PTCHD1: variants seen among roughly 807,000 people sequenced by gnomAD.
PTCHD1 encodes the protein patched domain-containing protein 1.
Under a neutral mutation model 34.6 loss-of-function variants are expected in PTCHD1, and 3 were observed. The observed-to-expected ratio is 0.09, with a 90% CI of 0.04 to 0.22. PTCHD1 has a LOEUF of 0.22. Among genes scored for constraint, PTCHD1 ranks in the 10% least tolerant of loss-of-function variants. PTCHD1 has a pLI of 1.00. For synonymous variants in PTCHD1, 305 were observed against 283.1 expected, an observed-to-expected ratio of 1.08 and a Z score of -0.77; for missense variants, 504 against 685.5, an observed-to-expected ratio of 0.74 and a Z score of 2.96.
chrX:23,349,209 AGAG>A (rs754924711), intron 1 of PTCHD1, among the ~76,000 whole-genome samples: 1 of 111,709 alleles, frequency 9.0e-6, no homozygotes, highest in African/African-American at 3.2e-5. Flanking sequence ...AGGCAGAAAA[AGAG>A]GAGGTAAAAA....
At position 23,392,901 on chromosome X, in the gene PTCHD1, G is replaced by A. The variant is rs1246024302; in HGVS notation, c.1383G>A (p.Leu461=). 8.2e-7 allele frequency: 1 copy of A among 1,212,218 alleles called. No homozygotes were observed. The part of the protein sequence containing the change: ...QEKPAWYRFL[L]TARFSEDTAE... ...AGCCGGCATGGTACAGGTTTCTCCT[G>A]ACGGCCAGATTCAGTGAGGACACAG... is the stretch of plus-strand genomic sequence containing the variant. Residue 461 remains leucine, a synonymous_variant, in exon 3 of 3, where the codon CTG becomes CTA. Coordinates refer to ENST00000379361, the MANE Select transcript of PTCHD1 (RefSeq NM_173495.3).
intron 1 of PTCHD1, 138 bp downstream of exon 1, chrX:23,335,364 C>T: frequency 1.9e-6 from 1 of 514,559 alleles, no homozygotes; most frequent in South Asian, 3.2e-5. Context: ...CACCGCGCGC[C>T]CCAGGGCGGC....
intron 1 of PTCHD1, among the ~76,000 whole-genome samples, chrX:23,340,430 G>A (rs1921273849): frequency 9.0e-6 from 1 of 111,188 alleles, no homozygotes; most frequent in Admixed American, 9.5e-5. Flanking sequence ...TGACGAAGGG[G>A]CTAAGTTGAC....
chrX:23,392,941 G>T lies in PTCHD1; in HGVS notation c.1423G>T (p.Ala475Ser), dbSNP rs763837691. Residue 475 changes from alanine (A) to serine (S), a missense_variant, in exon 3 of 3, where the codon GCG becomes TCG. Coordinates refer to ENST00000379361, the MANE Select transcript of PTCHD1 (RefSeq NM_173495.3). ...TGAGGACACAGCTGAAGGCGAGGAAGCGAACACTTACGAGAGTCACCTATT... is the reference window on the plus strand; with the variant it reads ...TGAGGACACAGCTGAAGGCGAGGAATCGAACACTTACGAGAGTCACCTATT... ...FSEDTAEGEEANTYESHLLVC... is the reference protein window; with the variant it reads ...FSEDTAEGEESNTYESHLLVC... The T allele has an allele frequency of 8.2e-7, 1 of 1,212,328 alleles. No individual in the cohort carries two copies. The highest frequency in any genetic ancestry group is 1.1e-6 in the Non-Finnish European group (1 of 895,648).
At chrX:23,356,141 A>C (rs1921795377) in intron 1 of PTCHD1, among the ~76,000 whole-genome samples, 1 of 111,965 alleles carries the variant, frequency 8.9e-6, no homozygotes, top group South Asian at 3.7e-4. Flanking sequence ...GAAGCTGTTT[A>C]ATGCACGCTG....
intron 1 of PTCHD1, among the ~76,000 whole-genome samples, chrX:23,338,468 T>G (rs1194341716): frequency 8.9e-6 from 1 of 112,219 alleles, no homozygotes; most frequent in Non-Finnish European, 1.9e-5. Flanking sequence ...AAACAATTCT[T>G]GATTTATTCC....
At position 23,394,241 on chromosome X, in the gene PTCHD1, G is replaced by T. The variant is rs1248481236; in HGVS notation, c.*56G>T. On this transcript the variant is annotated 3_prime_UTR_variant, in exon 3 of 3. Transcript: ENST00000379361. Reference sequence around the variant, plus strand: ...GTCTTATCAAGACCAAAGAGATTATGTTAATGAAACAATTAAATTCAAAGT... The same window carrying T: ...GTCTTATCAAGACCAAAGAGATTATTTTAATGAAACAATTAAATTCAAAGT... 8 of 647,749 alleles carry T rather than the reference G, an allele frequency of 1.2e-5. 1 individual carries two copies. In the South Asian group the frequency reaches 2.0e-4, roughly 16 times the overall value. 53.4% of individuals were successfully genotyped at this position (647,749 alleles called of 1,213,427 possible).
At chrX:23,345,365 C>T (rs1308255735) in intron 1 of PTCHD1, among the ~76,000 whole-genome samples, 2 of 112,156 alleles carry the variant, frequency 1.8e-5, no homozygotes, top group Non-Finnish European at 3.8e-5. Context: ...GGCAGTAGCC[C>T]TGACATTCTG....
At chrX:23,367,544 A>C (rs1335514325) in intron 1 of PTCHD1, among the ~76,000 whole-genome samples, 2 of 111,425 alleles carry the variant, frequency 1.8e-5, no homozygotes, top group South Asian at 3.8e-4. Context: ...TGGCGTGCTC[A>C]GGGAAGGTAG....
chrX:23,348,616 A>C (rs1394871135), intron 1 of PTCHD1, among the ~76,000 whole-genome samples: 1 of 111,407 alleles, frequency 9.0e-6, no homozygotes, highest in East Asian at 2.8e-4. Context: ...TCAGAGAAAA[A>C]ACTGCAAGAA....
chrX:23,345,843 A>G (rs1527811), intron 1 of PTCHD1, among the ~76,000 whole-genome samples: 29,096 of 111,205 alleles, frequency 0.26, 3,372 homozygotes, highest in East Asian at 0.55. Context: ...TGATGCTATA[A>G]TAGCTCTTCT....
At chrX:23,376,529 C>T (rs1024697152) in intron 1 of PTCHD1, among the ~76,000 whole-genome samples, 1 of 112,068 alleles carries the variant, frequency 8.9e-6, no homozygotes, top group Non-Finnish European at 1.9e-5. Flanking sequence ...CTCTAAAACT[C>T]GGTATAGGTA....
At position 23,392,763 on chromosome X, in the gene PTCHD1, C is replaced by T. The variant is rs769574170; in HGVS notation, c.1245C>T (p.Leu415=). The part of the protein sequence containing the change: ...NSCIAIFFNY[L]YVLSFYGSSL... Reference sequence around the variant, plus strand: ...GTATTGCAATCTTCTTCAACTACCTCTATGTACTCTCGTTTTATGGTTCCA... The same window carrying T: ...GTATTGCAATCTTCTTCAACTACCTTTATGTACTCTCGTTTTATGGTTCCA... Residue 415 remains leucine (L), a synonymous_variant, in exon 3 of 3, where the codon CTC becomes CTT. Coordinates refer to ENST00000379361, the MANE Select transcript of PTCHD1 (RefSeq NM_173495.3). 8.3e-7 allele frequency: 1 copy of T among 1,211,242 alleles called. No individual in the cohort carries two copies. Among genetic ancestry groups the T allele is most frequent in the Non-Finnish European group, 1.1e-6 (1 of 894,782 alleles).
intron 1 of PTCHD1, among the ~76,000 whole-genome samples, chrX:23,357,283 A>G (rs1174139134): frequency 1.8e-5 from 2 of 112,133 alleles, no homozygotes; most frequent in Non-Finnish European, 3.8e-5. Context: ...GAGCATGTGG[A>G]AAGGTGCCTA....
In PTCHD1 at chrX:23,394,396, T is replaced by TCACA. The variant is rs1205306011; in HGVS notation, c.*218_*221dup. ...AAAACAAAGGAGTTGTTATGAGAATTCACACACACATAGACACACACACAC... is the reference window on the plus strand; with the variant it reads ...AAAACAAAGGAGTTGTTATGAGAATTCACACACACACACATAGACACACACACAC... On this transcript the variant is annotated 3_prime_UTR_variant, in exon 3 of 3. Transcript: ENST00000379361. 36 of 251,138 alleles carry TCACA rather than the reference T, an allele frequency of 1.4e-4. 1 individual carries two copies. In the African/African-American group the frequency reaches 1.6e-3, roughly 11 times the overall value. 20.7% of individuals were successfully genotyped at this position (251,138 alleles called of 1,213,427 possible).
chrX:23,403,042 G>A lies in PTCHD1; in HGVS notation c.*8857G>A, dbSNP rs1377643365. ...AAAATAGTTTAAACATTTAAACATG[G>A]CCCCTCTCTTATTGTCATTGCTAGT... On this transcript the variant is annotated 3_prime_UTR_variant, in exon 3 of 3. Coordinates refer to ENST00000379361, the MANE Select transcript of PTCHD1 (RefSeq NM_173495.3). 1 of 112,326 alleles carries A rather than the reference G, an allele frequency of 8.9e-6. No individual in the cohort carries two copies. The highest frequency in any genetic ancestry group is 2.8e-4 in the East Asian group (1 of 3,612). The allele number at this position is 112,326 out of a possible 1,213,427, so 9.3% of individuals were successfully genotyped here.
chrX:23,379,407 C>T (rs1045298776), intron 1 of PTCHD1, among the ~76,000 whole-genome samples, 184 bp from the exon 2 acceptor site: 12 of 111,862 alleles, frequency 1.1e-4, no homozygotes, highest in Non-Finnish European at 2.3e-4. Flanking sequence ...TGCTGCTGTT[C>T]TAGGGGCCAC....
Position 23,402,614 on chromosome X carries a change from C to T in PTCHD1, c.*8429C>T, listed in dbSNP as rs1254468255. 1 of 112,136 alleles carries T rather than the reference C, an allele frequency of 8.9e-6. No homozygotes were observed. The highest frequency in any genetic ancestry group is 1.9e-5 in the Non-Finnish European group (1 of 53,233). The allele number at this position is 112,136 out of a possible 1,213,427, so 9.2% of individuals were successfully genotyped here. ...TTCCTCTTCAGCAGCTTTGAATACACTCAAGTTCTCTTCCTATTGTTTATG... is the reference window on the plus strand; with the variant it reads ...TTCCTCTTCAGCAGCTTTGAATACATTCAAGTTCTCTTCCTATTGTTTATG... On this transcript the variant is annotated 3_prime_UTR_variant, in exon 3 of 3. Transcript: ENST00000379361.
chrX:23,350,170 A>G (rs773920718), intron 1 of PTCHD1, among the ~76,000 whole-genome samples: 2 of 109,795 alleles, frequency 1.8e-5, no homozygotes, highest in South Asian at 4.0e-4. Context: ...GCACGTTATC[A>G]TAGTAAAAGC....
Sources: gnomAD v4.1 joint callset for allele counts (sites outside exome capture counted in the v4.1 genomes callset) on GRCh38, gnomAD v4.1.1 for gene constraint, MANE v1.5 for transcripts, NCBI Gene and HGNC (gene_info 2026-07-23, HGNC 2026-07-21) for gene names.